TATDN1: variants seen among roughly 807,000 people sequenced by gnomAD.
The protein encoded by TATDN1 is deoxyribonuclease TATDN1.
TATDN1 carries 40 observed loss-of-function variants against 46.4 expected under a neutral mutation model. The ratio of observed to expected loss-of-function variants is 0.86; its 90% confidence interval spans 0.67 to 1.12. The LOEUF is 1.12. TATDN1 is among the 50% of genes most tolerant of loss of function. The pLI is 0.00. For synonymous variants in TATDN1, 95 were observed against 105.6 expected, an observed-to-expected ratio of 0.90 and a Z score of 0.62; for missense variants, 326 against 348.4, an observed-to-expected ratio of 0.94 and a Z score of 0.51.
chr8:124,517,026 G>T (rs181397527), intron 4 of TATDN1, among the ~76,000 whole-genome samples: 1 of 152,338 alleles, frequency 6.6e-6, no homozygotes, highest in East Asian at 1.9e-4. Flanking sequence ...GGTAATGGAG[G>T]TGGGAGAACT....
intron 1 of TATDN1, among the ~76,000 whole-genome samples, chr8:124,535,571 T>C (rs563635211): frequency 1.3e-5 from 2 of 152,328 alleles, no homozygotes; most frequent in African/African-American, 4.8e-5. Flanking sequence ...GAGACTGTGA[T>C]TGAAAAAAGC....
At chr8:124,512,811 A>G (rs1012996221) in intron 6 of TATDN1, among the ~76,000 whole-genome samples, 4 of 152,292 alleles carry the variant, frequency 2.6e-5, no homozygotes, top group African/African-American at 9.6e-5. Flanking sequence ...TGTATACAAA[A>G]CAGATTGCAT....
chr8:124,510,030 C>CAAAAA (rs60271665), intron 6 of TATDN1, among the ~76,000 whole-genome samples: 1 of 110,214 alleles, frequency 9.1e-6, no homozygotes, highest in Non-Finnish European at 1.9e-5. Context: ...CATTCTGTCT[C>CAAAAA]AAAAAAAAAA....
Position 124,493,925 on chromosome 8 carries a change from A to C in TATDN1, c.699T>G (p.Ala233=). ...ATGCAGTTCTTATATATTTTGATCC[A>C]GCATGTGTACTTTTGACTCCACACC... ...APWCGVKSTH[A]GSKYIRTAFP... Residue 233 remains alanine, a synonymous_variant, in exon 11 of 12, where the codon GCT becomes GCG. Coordinates refer to ENST00000276692, the MANE Select transcript of TATDN1 (RefSeq NM_032026.4). 1 of 1,612,892 alleles carries C rather than the reference A, an allele frequency of 6.2e-7. No individual in the cohort carries two copies. The highest frequency in any genetic ancestry group is 1.7e-5 in the Admixed American group (1 of 59,762).
At chr8:124,527,732 C>G (rs1327392311) in intron 1 of TATDN1, among the ~76,000 whole-genome samples, 1 of 151,824 alleles carries the variant, frequency 6.6e-6, no homozygotes, top group Non-Finnish European at 1.5e-5. Context: ...CGATCTGCTG[C>G]AAGCAGCACC....
At chr8:124,490,830 G>T (rs1409631435) in intron 11 of TATDN1, among the ~76,000 whole-genome samples, 7 of 151,236 alleles carry the variant, frequency 4.6e-5, no homozygotes, top group African/African-American at 1.5e-4. Context: ...CACTGTGTGT[G>T]ATCACACAGT....
intron 3 of TATDN1, among the ~76,000 whole-genome samples, chr8:124,521,286 A>G (rs1325186862): frequency 6.6e-6 from 1 of 152,216 alleles, no homozygotes; most frequent in Non-Finnish European, 1.5e-5. Context: ...ACCATGTCCA[A>G]GTAAAAATCA....
chr8:124,533,718 T>C (rs1384500263), intron 1 of TATDN1, among the ~76,000 whole-genome samples: 1 of 152,140 alleles, frequency 6.6e-6, no homozygotes, highest in African/African-American at 2.4e-5. Context: ...TTTGGGAATC[T>C]TAGTTTTTCA....
intron 1 of TATDN1, chr8:124,526,791 C>T (rs1314366752): frequency 6.6e-6 from 1 of 152,206 alleles, no homozygotes; most frequent in East Asian, 1.9e-4. Context: ...TTATTGGGCT[C>T]ACTGAATCGT....
At chr8:124,490,754 G>T (rs1473723460) in intron 11 of TATDN1, among the ~76,000 whole-genome samples, 17 of 144,776 alleles carry the variant, frequency 1.2e-4, no homozygotes, top group African/African-American at 3.6e-4. Flanking sequence ...ACAGGTTTTT[G>T]TTTTTTTTTT....
chr8:124,538,716 T>C (rs541142952), intron 1 of TATDN1, among the ~76,000 whole-genome samples: 5 of 152,226 alleles, frequency 3.3e-5, no homozygotes, highest in African/African-American at 4.8e-5. Flanking sequence ...AATGGAAACA[T>C]AGTGATTGGC....
rs1819799702 is a variant in TATDN1 at position 124,519,006 on chromosome 8, C to T, written c.139-125G>A. The T allele has an allele frequency of 3.8e-5, 25 of 654,074 alleles. No homozygotes were observed. The South Asian group carries it at 4.5e-4, about 12-fold the overall frequency. The allele number at this position is 654,074 out of a possible 1,614,324, so 40.5% of individuals were successfully genotyped here. ...TTCCTCTGTGACTGCCACACACCTA[C>T]CCTTTAAAATTCAGCTGGGAGATTA... On this transcript the variant is annotated intron_variant, in intron 3 of 11. Coordinates refer to ENST00000276692, the MANE Select transcript of TATDN1 (RefSeq NM_032026.4).
At chr8:124,491,081 G>C (rs1291702478) in intron 11 of TATDN1, 5 of 152,252 alleles carry the variant, frequency 3.3e-5, no homozygotes, top group African/African-American at 9.7e-5. Flanking sequence ...ACTGTGCCCA[G>C]CCAGGCAAAG....
intron 11 of TATDN1, chr8:124,489,891 A>G (rs1352445297): frequency 6.6e-6 from 1 of 152,234 alleles, no homozygotes; most frequent in African/African-American, 2.4e-5. Flanking sequence ...TAACACCTAA[A>G]GGAATTAAGG....
intron 10 of TATDN1, chr8:124,495,186 C>T: frequency 2.4e-6 from 1 of 408,202 alleles, no homozygotes; most frequent in South Asian, 2.8e-5. Flanking sequence ...TTAGTCAAGA[C>T]CCCTTGTTTA....
chr8:124,512,231 T>C (rs1381132829), intron 6 of TATDN1, among the ~76,000 whole-genome samples: 1 of 152,174 alleles, frequency 6.6e-6, no homozygotes, highest in Non-Finnish European at 1.5e-5. Context: ...GAAACCAGCC[T>C]GGCCAACATG....
chr8:124,516,902 T>A (rs1819520698), intron 4 of TATDN1, among the ~76,000 whole-genome samples: 1 of 152,084 alleles, frequency 6.6e-6, no homozygotes, highest in Admixed American at 6.6e-5. Context: ...GCCCGAACCA[T>A]GGGAAAGGTA....
rs776041276 is a variant in TATDN1 at position 124,515,727 on chromosome 8, A to C, written c.389+19T>G. On this transcript the variant is annotated intron_variant, in intron 6 of 11. Coordinates refer to ENST00000276692, the MANE Select transcript of TATDN1 (RefSeq NM_032026.4). ...CTCATGATTTTACAATAATTTGTAA[A>C]GCCAACAAATTTCCTTACTTGAGTT... 1.2e-6 allele frequency: 2 copies of C among 1,609,598 alleles called. No individual in the cohort carries two copies. Among genetic ancestry groups the C allele is most frequent in the East Asian group, 2.2e-5 (1 of 44,816 alleles).
chr8:124,512,816 T>C (rs1041288033), intron 6 of TATDN1, among the ~76,000 whole-genome samples: 3 of 152,128 alleles, frequency 2.0e-5, no homozygotes, highest in Admixed American at 2.0e-4. Context: ...ACAAAACAGA[T>C]TGCATGCTGT....
Sources: allele counts gnomAD v4.1 joint callset (sites outside exome capture counted in the v4.1 genomes callset), GRCh38; gene constraint gnomAD v4.1.1; transcripts MANE v1.5; gene names NCBI Gene and HGNC (gene_info 2026-07-23, HGNC 2026-07-21).